Variants in PSMA1 observed in about 807,000 individuals in gnomAD.
PSMA1 encodes proteasome subunit alpha type-1.
Under a neutral mutation model 38.4 loss-of-function variants are expected in PSMA1, and 3 were observed. The ratio of observed to expected loss-of-function variants is 0.08; its 90% CI spans 0.04 to 0.20. The LOEUF is 0.20. Ranked by LOEUF, PSMA1 falls within the 10% of genes least tolerant of loss-of-function variation. The probability of loss-of-function intolerance (pLI) is 1.00; values close to 1 mark genes in which losing one functional copy is unlikely to be tolerated. For missense variants in PSMA1, 227 were observed against 325.3 expected, an observed-to-expected ratio of 0.70 and a Z score of 2.32; for synonymous variants, 101 against 107.1, an observed-to-expected ratio of 0.94 and a Z score of 0.35.
At chr11:14,602,006 T>C (rs959328906) in intron 2 of PSMA1, among the ~76,000 whole-genome samples, 6 of 152,200 alleles carry the variant, frequency 3.9e-5, no homozygotes, top group African/African-American at 1.2e-4. Context: ...ATTCTTTACA[T>C]AGAGCCCTCA....
intron 2 of PSMA1, among the ~76,000 whole-genome samples, chr11:14,563,326 G>A (rs900098149): frequency 6.6e-6 from 1 of 152,188 alleles, no homozygotes; most frequent in Non-Finnish European, 1.5e-5. Context: ...CAGTGTTTGA[G>A]TAGTGACTGT....
At chr11:14,595,294 T>A (rs1169907607) in intron 2 of PSMA1, among the ~76,000 whole-genome samples, 1 of 152,204 alleles carries the variant, frequency 6.6e-6, no homozygotes, top group African/African-American at 2.4e-5. Context: ...CTGGGTCAAA[T>A]GGTAATTCTA....
At position 14,517,871 on chromosome 11, in the gene PSMA1, T is replaced by C. The variant is rs1246970790; in HGVS notation, c.150+9A>G. The C allele has an allele frequency of 3.8e-6, 6 of 1,588,390 alleles. No homozygotes were observed. The highest frequency in any genetic ancestry group is 1.4e-5 in the African/African-American group (1 of 73,678). On this transcript the variant is annotated intron_variant, in intron 3 of 9. Coordinates refer to ENST00000396394, the MANE Select transcript of PSMA1 (RefSeq NM_002786.4). ...CTACAGAGGAAGACATATTTATTAC[T>C]GTACTTACTTTCAATGCAACCAAAA...
chr11:14,528,492 G>A (rs997694238), intron 2 of PSMA1, among the ~76,000 whole-genome samples: 7 of 151,810 alleles, frequency 4.6e-5, no homozygotes, highest in Admixed American at 3.9e-4. Context: ...AGGTTCCCAC[G>A]CTGCCCCAAT....
intron 2 of PSMA1, among the ~76,000 whole-genome samples, chr11:14,518,215 C>A (rs1418769552): frequency 1.3e-5 from 2 of 151,840 alleles, no homozygotes; most frequent in Admixed American, 6.6e-5. Flanking sequence ...AGTCCTCTCA[C>A]CTCACTGTCC....
chr11:14,571,979 A>G (rs1852148078), intron 2 of PSMA1, among the ~76,000 whole-genome samples: 1 of 152,228 alleles, frequency 6.6e-6, no homozygotes, highest in Admixed American at 6.5e-5. Context: ...CTAAATATAT[A>G]TGCACCCAAT....
At chr11:14,535,578 G>C (rs1184005251) in intron 2 of PSMA1, among the ~76,000 whole-genome samples, 1 of 151,812 alleles carries the variant, frequency 6.6e-6, no homozygotes, top group Non-Finnish European at 1.5e-5. Flanking sequence ...CGAGTAGCTG[G>C]GATTACAAGC....
At chr11:14,615,015 C>T (rs1489062001) in intron 1 of PSMA1, among the ~76,000 whole-genome samples, 1 of 152,196 alleles carries the variant, frequency 6.6e-6, no homozygotes, top group Non-Finnish European at 1.5e-5. Flanking sequence ...CCTAACTTTT[C>T]TTTTCAGACC....
At chr11:14,585,644 GA>G (rs1489754073) in intron 2 of PSMA1, among the ~76,000 whole-genome samples, 1 of 152,102 alleles carries the variant, frequency 6.6e-6, no homozygotes, top group African/African-American at 2.4e-5. Context: ...GTCTAGCCTG[GA>G]GGCCTCATCT....
At chr11:14,585,508 T>C (rs1034568882) in intron 2 of PSMA1, among the ~76,000 whole-genome samples, 1 of 152,162 alleles carries the variant, frequency 6.6e-6, no homozygotes, top group Admixed American at 6.5e-5. Context: ...TTGAGTCCCC[T>C]TTTAAGAACT....
rs371417207 is a variant in PSMA1, at chr11:14,592,208, G to A, written c.21+18758C>T. 5.9e-5 allele frequency among the ~76,000 whole-genome samples: 9 copies of A among 152,100 alleles called. No individual in the cohort carries two copies. In the East Asian group the frequency reaches 1.5e-3, roughly 26 times the overall value. On this transcript the variant is annotated intron_variant, in intron 2 of 10. Transcript: ENST00000418988. Reference sequence around the variant, plus strand: ...CACCTTAACAGCTGTAACACTCACCGCGAGGGTCCGCGGCTTCATTCTTGA... The same window carrying A: ...CACCTTAACAGCTGTAACACTCACCACGAGGGTCCGCGGCTTCATTCTTGA...
At chr11:14,568,594 T>C (rs990902362) in intron 2 of PSMA1, among the ~76,000 whole-genome samples, 3 of 152,240 alleles carry the variant, frequency 2.0e-5, no homozygotes, top group African/African-American at 7.2e-5. Flanking sequence ...GCATCTAAGA[T>C]GAAATCTTTA....
intron 2 of PSMA1, among the ~76,000 whole-genome samples, chr11:14,584,512 T>C (rs2278805): frequency 6.9e-6 from 1 of 145,464 alleles, no homozygotes; most frequent in African/African-American, 2.5e-5. Flanking sequence ...TTTTTGTTTT[T>C]TTTTTTTTTT....
At chr11:14,535,620 T>C (rs1343408795) in intron 2 of PSMA1, among the ~76,000 whole-genome samples, 2 of 151,724 alleles carry the variant, frequency 1.3e-5, no homozygotes, top group African/African-American at 4.8e-5. Context: ...ATTTTTGTAT[T>C]TTTAGTAGAG....
intron 1 of PSMA1, among the ~76,000 whole-genome samples, chr11:14,628,452 T>C (rs1852948383): frequency 6.6e-6 from 1 of 150,652 alleles, no homozygotes; most frequent in Admixed American, 6.6e-5. Flanking sequence ...TTACTGAGGA[T>C]GATGATTTCC....
At chr11:14,565,869 T>C (rs1852064526) in intron 2 of PSMA1, among the ~76,000 whole-genome samples, 1 of 152,228 alleles carries the variant, frequency 6.6e-6, no homozygotes. Context: ...ACGGCATTTA[T>C]CCACCACAGT....
intron 2 of PSMA1, among the ~76,000 whole-genome samples, chr11:14,598,638 C>G (rs1302198008): frequency 1.3e-5 from 2 of 148,714 alleles, no homozygotes; most frequent in African/African-American, 5.0e-5. Context: ...ACGTATGTCT[C>G]TGCACATAAG....
chr11:14,611,992 G>T (rs1007785018), intron 1 of PSMA1, among the ~76,000 whole-genome samples: 2 of 152,146 alleles, frequency 1.3e-5, no homozygotes, highest in South Asian at 2.1e-4. Context: ...TGCCACATCT[G>T]GAGGAAAAAA....
intron 2 of PSMA1, among the ~76,000 whole-genome samples, chr11:14,576,674 T>G (rs1852220670): frequency 6.6e-6 from 1 of 152,236 alleles, no homozygotes; most frequent in Non-Finnish European, 1.5e-5. Flanking sequence ...GCTGTTTTGT[T>G]TACTGTAGCC....
Sources: allele counts gnomAD v4.1 joint callset (sites outside exome capture counted in the v4.1 genomes callset), GRCh38; gene constraint gnomAD v4.1.1; transcripts MANE v1.5; gene names NCBI Gene and HGNC (gene_info 2026-07-23, HGNC 2026-07-21).